Variants in ARHGEF1 observed in about 807,000 individuals in gnomAD.
ARHGEF1 encodes 115 kDa guanine nucleotide exchange factor.
A neutral mutation model predicts 119.7 loss-of-function variants in ARHGEF1; 40 were observed. The ratio of observed to expected loss-of-function variants is 0.33; its 90% CI spans 0.26 to 0.44. ARHGEF1 has a LOEUF of 0.44. Among genes scored for constraint, ARHGEF1 ranks in the 20% least tolerant of loss-of-function variants. The probability of loss-of-function intolerance (pLI) is 1.00; values close to 1 mark genes in which losing one functional copy is unlikely to be tolerated. For synonymous variants in ARHGEF1, 494 were observed against 521.0 expected (o/e 0.95, Z 0.71); for missense variants, 976 against 1,268.3 (o/e 0.77, Z 3.50).
intron 1 of ARHGEF1, among the ~76,000 whole-genome samples, chr19:41,887,066 CTG>C (rs2074304578): frequency 6.6e-6 from 1 of 152,106 alleles, no homozygotes; most frequent in Non-Finnish European, 1.5e-5. Context: ...GCACATGAGA[CTG>C]TGACTCAGAG....
rs1288072104 is a variant in ARHGEF1 at position 41,925,946 on chromosome 19, A to C, written c.140+2713A>C. Among the ~76,000 whole-genome samples, 3 of 151,936 alleles carry C rather than the reference A, an allele frequency of 2.0e-5. No individual in the cohort carries two copies. In the East Asian group the frequency reaches 5.8e-4, roughly 29 times the overall value. On this transcript the variant is annotated intron_variant, in intron 1 of 2. Transcript: ENST00000594417. ...CTGAGGGGACAGGTTAGCAGGTTGCATGTGTGAGTGCTTGTGTGCAACAGA... is the reference window on the plus strand; with the variant it reads ...CTGAGGGGACAGGTTAGCAGGTTGCCTGTGTGAGTGCTTGTGTGCAACAGA...
At chr19:41,915,171 T>C (rs532879464) in intron 18 of ARHGEF1, among the ~76,000 whole-genome samples, 1 of 104,992 alleles carries the variant, frequency 9.5e-6, no homozygotes. Flanking sequence ...TCCGTGTTGG[T>C]TTTGATTTCT....
chr19:41,898,361 C>G, intron 13 of ARHGEF1, 81 bp from the exon 14 acceptor site: 1 of 1,542,784 alleles, frequency 6.5e-7, no homozygotes, highest in Non-Finnish European at 8.7e-7. Context: ...GGCCACTGAC[C>G]GGGGTTGAAC....
At chr19:41,895,756 C>T (rs542134158) in intron 12 of ARHGEF1, among the ~76,000 whole-genome samples, 11 of 152,294 alleles carry the variant, frequency 7.2e-5, no homozygotes, top group African/African-American at 2.4e-4. Context: ...TCCATCAACC[C>T]TTCCTTTTCC....
chr19:41,928,808 C>T (rs1400162997), intron 1 of ARHGEF1: 2 of 427,020 alleles, frequency 4.7e-6, no homozygotes, highest in Non-Finnish European at 9.6e-6. Context: ...CTTCCCTTCT[C>T]CTCCGCCCCG....
Position 41,904,912 on chromosome 19 carries a change from C to T in ARHGEF1, c.2162-37C>T. 1 of 1,565,800 alleles carries T rather than the reference C, an allele frequency of 6.4e-7. No individual in the cohort carries two copies. Among genetic ancestry groups the T allele is most frequent in the Non-Finnish European group, 8.8e-7 (1 of 1,136,340 alleles). ...TAGGGAGGGGCAGGCACTGGGGGGA[C>T]CTGGGCTCTGAGCCCCATCTCCCCC... On this transcript the variant is annotated intron_variant, in intron 22 of 28. Coordinates refer to ENST00000354532, the MANE Select transcript of ARHGEF1 (RefSeq NM_004706.4). The surrounding 1 kb of genome is among the most constrained non-coding windows in gnomAD (Gnocchi z 8.4).
rs1047308820 is a variant in ARHGEF1, at chr19:41,916,177, G to A, written c.1866-6915G>A. Among the ~76,000 whole-genome samples, 5 of 151,584 alleles carry A rather than the reference G, an allele frequency of 3.3e-5. No individual in the cohort carries two copies. Among genetic ancestry groups the A allele is most frequent in the East Asian group, 1.9e-4 (1 of 5,166 alleles). On this transcript the variant is annotated intron_variant, in intron 18 of 20. Transcript: ENST00000599589. The surrounding 1 kb of genome is among the most constrained non-coding windows in gnomAD (Gnocchi z 5.4). ...CAGACCCACACACCAACCCAGGCAC[G>A]CACACCACCACGTCCCACACAGCAC... is the stretch of plus-strand genomic sequence containing the variant.
At chr19:41,910,695 C>T (rs1293280722), downstream of ARHGEF1, among the ~76,000 whole-genome samples, 1 of 152,164 alleles carries the variant, frequency 6.6e-6, no homozygotes, top group Non-Finnish European at 1.5e-5. The surrounding 1 kb of genome is among the most constrained non-coding windows in gnomAD (Gnocchi z 4.4). Flanking sequence ...TGCCCATGTC[C>T]GTCCAAGAGC....
rs868942737 is a variant in ARHGEF1, at chr19:41,896,422, C to A, written c.1061C>A (p.Pro354Gln). Residue 354 changes from proline to glutamine, a missense_variant, in exon 13 of 29, where the codon CCA becomes CAA. Around this residue, in one of 3 missense-constraint regions of ARHGEF1, gnomAD observed 519 missense variants for 580.9 expected, o/e 0.89. Transcript: ENST00000354532. ...LELGDSSPQG[P>Q]MSLESLAPPE... ...CTGGGGGACTCATCCCCGCAGGGCC[C>A]AATGAGCCTGGAGTCCTTGGCGCCC... 1 of 1,471,614 alleles carries A rather than the reference C, an allele frequency of 6.8e-7. No homozygotes were observed. Among genetic ancestry groups the A allele is most frequent in the East Asian group, 2.5e-5 (1 of 40,798 alleles). 91.2% of individuals were successfully genotyped at this position (1,471,614 alleles called of 1,614,324 possible).
chr19:41,897,086 GC>G (rs2074514442), intron 13 of ARHGEF1: 2 of 122,400 alleles, frequency 1.6e-5, no homozygotes, highest in Admixed American at 8.7e-5. Flanking sequence ...AAGCCCCCCT[GC>G]CCCCTGCCCC....
At chr19:41,897,091 CT>C in intron 13 of ARHGEF1, 10 of 362,562 alleles carry the variant, frequency 2.8e-5, no homozygotes, top group South Asian at 5.6e-5. Flanking sequence ...CCCCTGCCCC[CT>C]GCCCCCCACC....
At chr19:41,897,979 G>A in intron 13 of ARHGEF1, 2 of 1,326,344 alleles carry the variant, frequency 1.5e-6, no homozygotes, top group Non-Finnish European at 1.9e-6. Flanking sequence ...CAGAGAGCCT[G>A]CGGGTGAGTG....
upstream of ARHGEF1, among the ~76,000 whole-genome samples, chr19:41,921,537 G>A (rs892955260): frequency 2.0e-5 from 3 of 148,000 alleles, no homozygotes; most frequent in African/African-American, 8.0e-5. This position sits in a 1 kb window ranked among gnomAD's most constrained non-coding sequence, Gnocchi z 4.4. Context: ...ATCCGAGGTG[G>A]GGAAACACGG....
chr19:41,891,136 A>G (rs1330754763), intron 4 of ARHGEF1, among the ~76,000 whole-genome samples: 5 of 152,282 alleles, frequency 3.3e-5, no homozygotes, highest in Non-Finnish European at 5.9e-5. Flanking sequence ...CATCTGGGAC[A>G]CAGATGGATC....
rs2074693179 is a variant in ARHGEF1, at chr19:41,906,242, C to T, written c.2492-215C>T. 1.5e-6 allele frequency: 1 copy of T among 660,010 alleles called. No individual in the cohort carries two copies. Among genetic ancestry groups the T allele is most frequent in the East Asian group, 2.7e-5 (1 of 36,700 alleles). The allele number at this position is 660,010 out of a possible 1,614,324, so 40.9% of individuals were successfully genotyped here. ...ATTCTATATTTAGCCTCTTCCTGAACACATCTCTGTCTTCAGTACCTTCCT... is the reference window on the plus strand; with the variant it reads ...ATTCTATATTTAGCCTCTTCCTGAATACATCTCTGTCTTCAGTACCTTCCT... On this transcript the variant is annotated intron_variant, in intron 26 of 28. Coordinates refer to ENST00000354532, the MANE Select transcript of ARHGEF1 (RefSeq NM_004706.4). This position sits in a 1 kb window ranked among gnomAD's most constrained non-coding sequence, Gnocchi z 4.5.
downstream of ARHGEF1, chr19:41,908,431 C>T (rs1005565273): frequency 1.6e-6 from 2 of 1,231,214 alleles, no homozygotes; most frequent in Non-Finnish European, 2.0e-6. The surrounding 1 kb of genome is among the most constrained non-coding windows in gnomAD (Gnocchi z 6.7). Flanking sequence ...GAGGGGCGCT[C>T]GGGGCCCAGG....
At chr19:41,920,843 G>A (rs562416337), upstream of ARHGEF1, among the ~76,000 whole-genome samples, 6 of 152,354 alleles carry the variant, frequency 3.9e-5, no homozygotes, top group East Asian at 1.2e-3. Context: ...GAGGTGGGGA[G>A]GCTCCAGGCC....
At chr19:41,896,129 G>C (rs2074481064) in intron 12 of ARHGEF1, among the ~76,000 whole-genome samples, 1 of 152,172 alleles carries the variant, frequency 6.6e-6, no homozygotes, top group Admixed American at 6.5e-5. Flanking sequence ...CTATTTGCTA[G>C]GCCTGGGGTC....
At chr19:41,919,024 C>G (rs1205451098), upstream of ARHGEF1, among the ~76,000 whole-genome samples, 1 of 151,410 alleles carries the variant, frequency 6.6e-6, no homozygotes, top group Non-Finnish European at 1.5e-5. Flanking sequence ...CACCATGCCA[C>G]AGACACTATA....
Sources: allele counts gnomAD v4.1 joint callset (sites outside exome capture counted in the v4.1 genomes callset), GRCh38; gene constraint gnomAD v4.1.1; regional missense constraint gnomAD v4.1.1; non-coding constraint Gnocchi (gnomAD v3.1); transcripts MANE v1.5; gene names NCBI Gene and HGNC (gene_info 2026-07-23, HGNC 2026-07-21).